Variants in OXSR1 observed in about 807,000 individuals in gnomAD.
OXSR1 encodes the protein oxidative stress responsive kinase 1.
In OXSR1, 24 loss-of-function variants were observed where a neutral mutation model predicts 79.8. That is an observed-to-expected ratio of 0.30 (90% confidence interval 0.22 to 0.42). The LOEUF is 0.42. Among genes scored for constraint, OXSR1 ranks in the 10% least tolerant of loss-of-function variants. OXSR1 has a pLI of 1.00. For missense variants in OXSR1, 430 were observed against 618.4 expected (o/e 0.70, Z 3.23); for synonymous variants, 226 against 209.2 (o/e 1.08, Z -0.69).
intron 4 of OXSR1, among the ~76,000 whole-genome samples, chr3:38,199,459 C>T (rs759773475): frequency 6.6e-6 from 1 of 152,132 alleles, no homozygotes; most frequent in African/African-American, 2.4e-5. Context: ...AACTCCTGGC[C>T]TCAAAGCGAT....
At chr3:38,205,648 T>G (rs895937023) in intron 4 of OXSR1, among the ~76,000 whole-genome samples, 3 of 152,210 alleles carry the variant, frequency 2.0e-5, no homozygotes, top group African/African-American at 7.2e-5. Flanking sequence ...TAGTTGACAG[T>G]GTCACTGGGT....
At chr3:38,198,582 A>G in intron 3 of OXSR1, 140 bp from the exon 4 acceptor site, 3 of 560,244 alleles carry the variant, frequency 5.4e-6, no homozygotes, top group Non-Finnish European at 6.1e-6. Context: ...AAACTTCTGT[A>G]TTTCCTCATA....
intron 4 of OXSR1, among the ~76,000 whole-genome samples, chr3:38,201,675 A>C (rs1457144742): frequency 5.9e-5 from 9 of 151,348 alleles, no homozygotes. Context: ...GCGCCACTGC[A>C]CTCCAGCTTA....
At chr3:38,172,832 T>G (rs756655111) in intron 1 of OXSR1, among the ~76,000 whole-genome samples, 1 of 152,186 alleles carries the variant, frequency 6.6e-6, no homozygotes, top group Non-Finnish European at 1.5e-5. Flanking sequence ...AATAGTGGCT[T>G]AATAAAATCC....
intron 3 of OXSR1, among the ~76,000 whole-genome samples, chr3:38,194,193 C>G (rs1415668101): frequency 3.3e-5 from 5 of 152,164 alleles, no homozygotes; most frequent in Admixed American, 2.0e-4. Context: ...TGAGGGAGAA[C>G]AGTTGCAGTG....
intron 2 of OXSR1, among the ~76,000 whole-genome samples, chr3:38,186,734 A>G (rs1020510316): frequency 2.0e-4 from 31 of 152,124 alleles, no homozygotes; most frequent in Admixed American, 6.6e-4. Context: ...GGCTGTTTCT[A>G]CTTCTTGGCT....
At chr3:38,183,435 A>G (rs1701824392) in intron 2 of OXSR1, among the ~76,000 whole-genome samples, 2 of 152,174 alleles carry the variant, frequency 1.3e-5, no homozygotes, top group African/African-American at 4.8e-5. Context: ...CTGTGTCTGT[A>G]AATATGGATC....
intron 1 of OXSR1, among the ~76,000 whole-genome samples, chr3:38,167,918 A>G (rs1424886058): frequency 6.8e-6 from 1 of 147,572 alleles, no homozygotes; most frequent in East Asian, 2.0e-4. Context: ...CTGGTAGTGT[A>G]TCCATCTTTC....
chr3:38,225,598 TAAAA>T (rs35103665), intron 8 of OXSR1, among the ~76,000 whole-genome samples: 1 of 152,046 alleles, frequency 6.6e-6, no homozygotes, highest in Admixed American at 6.6e-5. Flanking sequence ...AGTAAACAGT[TAAAA>T]AAGACAGGAA....
At chr3:38,206,274 G>A (rs1470559708) in intron 4 of OXSR1, among the ~76,000 whole-genome samples, 4 of 152,012 alleles carry the variant, frequency 2.6e-5, no homozygotes, top group Admixed American at 1.3e-4. Context: ...AACTTTGAGG[G>A]CAATTCTGAA....
At chr3:38,251,611 T>C (rs540871996) in intron 16 of OXSR1, 140 bp downstream of exon 16, 10 of 697,034 alleles carry the variant, frequency 1.4e-5, no homozygotes, top group East Asian at 7.7e-5. Flanking sequence ...TTATAGGTAA[T>C]GGGACAGTTC....
intron 1 of OXSR1, among the ~76,000 whole-genome samples, chr3:38,172,567 A>C (rs1365752460): frequency 2.6e-5 from 4 of 152,018 alleles, no homozygotes; most frequent in African/African-American, 9.7e-5. Flanking sequence ...ATTTTCATTG[A>C]TTGTTTACTA....
intron 4 of OXSR1, among the ~76,000 whole-genome samples, chr3:38,209,379 G>A (rs1207823889): frequency 6.6e-6 from 1 of 151,698 alleles, no homozygotes; most frequent in Non-Finnish European, 1.5e-5. Context: ...TACTATGCCT[G>A]GCTATTTTTT....
At chr3:38,167,669 C>G (rs1223514096) in intron 1 of OXSR1, among the ~76,000 whole-genome samples, 1 of 152,186 alleles carries the variant, frequency 6.6e-6, no homozygotes, top group Non-Finnish European at 1.5e-5. Context: ...ATAAAGACAT[C>G]ACATCTTTGC....
chr3:38,178,436 A>G (rs894172951), intron 1 of OXSR1, among the ~76,000 whole-genome samples: 3 of 151,758 alleles, frequency 2.0e-5, no homozygotes, highest in South Asian at 4.2e-4. Flanking sequence ...TGTAAATCAT[A>G]TATGTATATT....
At chr3:38,184,588 T>C (rs2125809886) in intron 2 of OXSR1, among the ~76,000 whole-genome samples, 1 of 152,328 alleles carries the variant, frequency 6.6e-6, no homozygotes, top group Admixed American at 6.5e-5. Context: ...TCCATAAGGA[T>C]AGAGTAAAAT....
At position 38,230,357 on chromosome 3, in the gene OXSR1, C is replaced by T. The variant is rs960561597; in HGVS notation, c.886-8C>T. ...TGTAAGAACAAAATACTTACTTTTC[C>T]TCTCCAGAATAAAGAATTTCTTCAA... On this transcript the variant is annotated splice_polypyrimidine_tract_variant and splice_region_variant and intron_variant, in intron 9 of 17. Coordinates refer to ENST00000311806, the MANE Select transcript of OXSR1 (RefSeq NM_005109.3). The T allele has an allele frequency of 6.4e-7, 1 of 1,565,010 alleles. No homozygotes were observed. Among genetic ancestry groups the T allele is most frequent in the Non-Finnish European group, 8.7e-7 (1 of 1,143,570 alleles).
chr3:38,204,364 A>G (rs1702227674), intron 4 of OXSR1, among the ~76,000 whole-genome samples: 1 of 152,094 alleles, frequency 6.6e-6, no homozygotes, highest in East Asian at 1.9e-4. Flanking sequence ...GCTGCAAGAC[A>G]AAGTCCCCTT....
intron 1 of OXSR1, among the ~76,000 whole-genome samples, chr3:38,176,664 C>G (rs1459659818): frequency 6.6e-6 from 1 of 152,232 alleles, no homozygotes; most frequent in East Asian, 1.9e-4. Context: ...ACATTAGCAT[C>G]TTGTCATTTG....
Sources: gnomAD v4.1 joint callset for allele counts (sites outside exome capture counted in the v4.1 genomes callset) on GRCh38, gnomAD v4.1.1 for gene constraint, MANE v1.5 for transcripts, NCBI Gene and HGNC (gene_info 2026-07-23, HGNC 2026-07-21) for gene names.